MAN1A2: variants seen among roughly 807,000 people sequenced by gnomAD.
MAN1A2 encodes mannosyl-oligosaccharide 1,2-alpha-mannosidase IB.
A neutral mutation model predicts 75.7 loss-of-function variants in MAN1A2; 26 were observed. That is an observed-to-expected ratio of 0.34 (90% confidence interval 0.25 to 0.48). The LOEUF (loss-of-function observed/expected upper bound fraction) is 0.48. Ranked by LOEUF, MAN1A2 falls within the 20% of genes least tolerant of loss-of-function variation. MAN1A2 has a pLI of 0.99. For missense variants in MAN1A2, 562 were observed against 775.5 expected (o/e 0.72, Z 3.27); for synonymous variants, 247 against 264.6 (o/e 0.93, Z 0.65).
chr1:117,513,470 G>C lies in MAN1A2; in HGVS notation c.1794-9355G>C, dbSNP rs115156175. On this transcript the variant is annotated intron_variant, in intron 12 of 12. Transcript: ENST00000356554. ...TGTTTGGATATACCACATTTTATTTGTCCATTCACTTTTTGATGGTCCGTT... is the reference window on the plus strand; with the variant it reads ...TGTTTGGATATACCACATTTTATTTCTCCATTCACTTTTTGATGGTCCGTT... Among the ~76,000 whole-genome samples the C allele has an allele frequency of 2.4e-3, 363 of 151,584 alleles. 2 individuals carry two copies. The highest frequency in any genetic ancestry group is 8.1e-3 in the African/African-American group (333 of 41,332).
In MAN1A2 at chr1:117,444,464, T is replaced by TTTTAAA. The variant is rs538553667; in HGVS notation, c.950+2145_950+2150dup. Among the ~76,000 whole-genome samples, 30 of 152,128 alleles carry TTTTAAA rather than the reference T, an allele frequency of 2.0e-4. No individual in the cohort carries two copies. In the East Asian group the frequency reaches 5.4e-3, roughly 27 times the overall value. ...GTTCCTGGATCAAAGGGATATGTATTTTTAAATTTAATAGATATTGCCAAA... is the reference window on the plus strand; with the variant it reads ...GTTCCTGGATCAAAGGGATATGTATTTTTAAATTTAAATTTAATAGATATTGCCAAA... On this transcript the variant is annotated intron_variant, in intron 6 of 12. Transcript: ENST00000356554.
intron 6 of MAN1A2, among the ~76,000 whole-genome samples, chr1:117,445,927 TATAAA>T (rs1649221387): frequency 6.8e-6 from 1 of 146,540 alleles, no homozygotes; most frequent in South Asian, 2.1e-4. Context: ...TATGTATACA[TATAAA>T]AGAAAATTTA....
intron 3 of MAN1A2, among the ~76,000 whole-genome samples, chr1:117,410,224 A>G (rs1375397306): frequency 6.6e-6 from 1 of 151,946 alleles, no homozygotes; most frequent in Non-Finnish European, 1.5e-5. Flanking sequence ...CTGAGTGTAT[A>G]TTACATTATG....
chr1:117,433,161 A>C (rs539605139), intron 5 of MAN1A2, among the ~76,000 whole-genome samples: 3 of 152,066 alleles, frequency 2.0e-5, no homozygotes, highest in African/African-American at 7.2e-5. Flanking sequence ...GTACAGCGTG[A>C]TAATTCCCAA....
chr1:117,487,138 T>C (rs898094647), intron 8 of MAN1A2, among the ~76,000 whole-genome samples: 12 of 152,016 alleles, frequency 7.9e-5, no homozygotes, highest in African/African-American at 2.9e-4. Context: ...TAAAATTAAG[T>C]GAGAGAGCAT....
intron 1 of MAN1A2, among the ~76,000 whole-genome samples, chr1:117,385,309 A>T (rs551261018): frequency 6.6e-6 from 1 of 152,288 alleles, no homozygotes; most frequent in African/African-American, 2.4e-5. Flanking sequence ...CAGTTCTCAA[A>T]TCAGACATGT....
intron 1 of MAN1A2, among the ~76,000 whole-genome samples, chr1:117,373,647 C>T (rs781195325): frequency 1.1e-4 from 17 of 152,240 alleles, no homozygotes; most frequent in Admixed American, 2.0e-4. Flanking sequence ...CAGGTGTGAA[C>T]AACCATGCTA....
At chr1:117,396,168 A>C (rs1653899718) in intron 1 of MAN1A2, among the ~76,000 whole-genome samples, 1 of 152,240 alleles carries the variant, frequency 6.6e-6, no homozygotes, top group Admixed American at 6.5e-5. Context: ...TGTGTAACCC[A>C]GAGCCTTGTC....
intron 6 of MAN1A2, among the ~76,000 whole-genome samples, chr1:117,458,498 T>TATATAG (rs1553236595): frequency 2.7e-4 from 24 of 89,380 alleles, no homozygotes; most frequent in African/African-American, 1.5e-3. Context: ...TATATATATC[T>TATATAG]ATATATATAT....
chr1:117,491,447 T>C (rs1246091167), intron 8 of MAN1A2, among the ~76,000 whole-genome samples: 1 of 152,080 alleles, frequency 6.6e-6, no homozygotes, highest in Non-Finnish European at 1.5e-5. Context: ...TTAAGCACAC[T>C]GTTGAGAACT....
intron 1 of MAN1A2, among the ~76,000 whole-genome samples, chr1:117,400,065 T>G (rs947313034): frequency 6.6e-6 from 1 of 152,132 alleles, no homozygotes; most frequent in Non-Finnish European, 1.5e-5. Context: ...AGTCAGCACC[T>G]ATGTGCTGAT....
intron 6 of MAN1A2, among the ~76,000 whole-genome samples, chr1:117,447,748 T>TA (rs1174606492): frequency 1.3e-5 from 2 of 152,156 alleles, no homozygotes; most frequent in East Asian, 1.9e-4. Flanking sequence ...GGCTATTTTT[T>TA]AAAAAATCAG....
intron 1 of MAN1A2, among the ~76,000 whole-genome samples, chr1:117,395,724 A>G (rs559792267): frequency 1.3e-5 from 2 of 152,296 alleles, no homozygotes; most frequent in South Asian, 4.1e-4. Context: ...ATAAAACTAG[A>G]TTTTTTTGGA....
chr1:117,408,483 G>A (rs1257764246), intron 3 of MAN1A2, among the ~76,000 whole-genome samples: 20 of 151,984 alleles, frequency 1.3e-4, no homozygotes, highest in Admixed American at 1.2e-3. Flanking sequence ...GTGTGTGTGT[G>A]TGTGTATTTA....
chr1:117,513,212 G>A (rs1338477504), intron 12 of MAN1A2, among the ~76,000 whole-genome samples: 1 of 152,076 alleles, frequency 6.6e-6, no homozygotes, highest in Non-Finnish European at 1.5e-5. Flanking sequence ...GGAGGTAAAG[G>A]ATAATCATTG....
intron 5 of MAN1A2, among the ~76,000 whole-genome samples, chr1:117,429,391 G>A (rs1169535893): frequency 1.2e-4 from 16 of 132,932 alleles, no homozygotes; most frequent in East Asian, 2.2e-4. Context: ...GGGCAGAGGC[G>A]CCCCTCACCT....
At chr1:117,458,512 G>T (rs6665954) in intron 6 of MAN1A2, among the ~76,000 whole-genome samples, 36,900 of 102,114 alleles carry the variant, frequency 0.36, 7,143 homozygotes, top group East Asian at 0.49. Context: ...TATATATATA[G>T]ATATATATAT....
chr1:117,420,329 G>A (rs1648144421), intron 4 of MAN1A2, among the ~76,000 whole-genome samples: 1 of 151,914 alleles, frequency 6.6e-6, no homozygotes, highest in African/African-American at 2.4e-5. Flanking sequence ...TACTGTGTAA[G>A]GTACATAAAA....
At chr1:117,368,514 A>G (rs779821891) in intron 1 of MAN1A2, 29 bp downstream of exon 1, 25 of 1,559,084 alleles carry the variant, frequency 1.6e-5, no homozygotes, top group African/African-American at 5.5e-5. Flanking sequence ...TTCTGGTACT[A>G]ACATTTGGCA....
Sources: allele counts gnomAD v4.1 joint callset (sites outside exome capture counted in the v4.1 genomes callset), GRCh38; gene constraint gnomAD v4.1.1; transcripts MANE v1.5; gene names NCBI Gene and HGNC (gene_info 2026-07-23, HGNC 2026-07-21).